The following DYNC1I1 variants were observed in gnomAD, a reference collection of about 807,000 sequenced individuals.
The protein encoded by DYNC1I1 is dynein cytoplasmic 1 intermediate chain 1.
DYNC1I1 carries 43 observed loss-of-function variants against 86.6 expected under a neutral mutation model. That is an observed-to-expected ratio of 0.50 (90% CI 0.39 to 0.64). The LOEUF (loss-of-function observed/expected upper bound fraction) is 0.64, where lower values mean the gene tolerates loss of function less well. Ranked by LOEUF, DYNC1I1 falls within the 30% of genes least tolerant of loss-of-function variation. The probability of loss-of-function intolerance (pLI) is 0.00; values close to 1 mark genes in which losing one functional copy is unlikely to be tolerated. For synonymous variants in DYNC1I1, 262 were observed against 283.7 expected (o/e 0.92, Z 0.77); for missense variants, 604 against 788.8 (o/e 0.77, Z 2.81).
chr7:95,889,759 A>C (rs550396381), intron 6 of DYNC1I1, among the ~76,000 whole-genome samples: 134 of 152,210 alleles, frequency 8.8e-4, no homozygotes, highest in African/African-American at 3.2e-3. Context: ...AACAACAACA[A>C]CACCCCATTA....
chr7:95,935,783 G>T (rs1792023880), intron 6 of DYNC1I1, among the ~76,000 whole-genome samples: 1 of 151,890 alleles, frequency 6.6e-6, no homozygotes, highest in African/African-American at 2.4e-5. Flanking sequence ...CCCTGATTAA[G>T]AAATGGACGA....
intron 10 of DYNC1I1, among the ~76,000 whole-genome samples, chr7:96,026,292 A>G (rs1043680234): frequency 3.3e-5 from 5 of 152,174 alleles, no homozygotes; most frequent in Admixed American, 2.0e-4. Flanking sequence ...CCCTCAGAGT[A>G]TCTGAGGCTG....
intron 16 of DYNC1I1, among the ~76,000 whole-genome samples, chr7:96,095,628 C>T (rs1399964374): frequency 6.6e-6 from 1 of 152,012 alleles, no homozygotes; most frequent in South Asian, 2.1e-4. Context: ...CATGATTAGG[C>T]TTTTGTCTCT....
intron 6 of DYNC1I1, among the ~76,000 whole-genome samples, chr7:95,970,156 C>T (rs900402193): frequency 4.6e-5 from 7 of 152,030 alleles, no homozygotes; most frequent in African/African-American, 1.4e-4. Flanking sequence ...GAGTTATGTG[C>T]GAGAGCCCTC....
chr7:95,804,404 G>C, intron 1 of DYNC1I1: 1 of 1,263,292 alleles, frequency 7.9e-7, no homozygotes, highest in Non-Finnish European at 1.0e-6. Context: ...ATTTATTTTT[G>C]TTTATTTGTT....
At chr7:96,039,564 C>A in intron 14 of DYNC1I1, 143 bp downstream of exon 14, 1 of 909,534 alleles carries the variant, frequency 1.1e-6, no homozygotes, top group Non-Finnish European at 1.7e-6. Context: ...GCTCAGTCTA[C>A]CTCAGAGCTA....
intron 9 of DYNC1I1, 47 bp from the exon 10 acceptor site, chr7:95,995,901 G>A (rs755893638): frequency 1.9e-6 from 3 of 1,544,640 alleles, no homozygotes; most frequent in Admixed American, 2.1e-5. Flanking sequence ...AGTTTTCCTT[G>A]TGTTGTCATC....
At chr7:95,963,816 T>A (rs1792935518) in intron 6 of DYNC1I1, among the ~76,000 whole-genome samples, 1 of 152,174 alleles carries the variant, frequency 6.6e-6, no homozygotes, top group Non-Finnish European at 1.5e-5. Context: ...GAAAGAACCA[T>A]GTCTGTCTAG....
At chr7:96,110,150 A>G (rs1056328811), downstream of DYNC1I1, 26 of 409,784 alleles carry the variant, frequency 6.3e-5, no homozygotes, top group Admixed American at 7.1e-4. Flanking sequence ...ATAATTGTGG[A>G]TATCTTTTAG....
intron 6 of DYNC1I1, among the ~76,000 whole-genome samples, chr7:95,917,773 G>C (rs994418112): frequency 6.6e-6 from 1 of 152,204 alleles, no homozygotes; most frequent in Admixed American, 6.5e-5. Flanking sequence ...CTGGGCACTC[G>C]CCGTCCTTCA....
intron 10 of DYNC1I1, among the ~76,000 whole-genome samples, chr7:96,005,361 C>T (rs1794115349): frequency 1.3e-5 from 2 of 152,198 alleles, no homozygotes; most frequent in Admixed American, 1.3e-4. Flanking sequence ...CCCTCCTAGA[C>T]ACTTTCTAAA....
intron 10 of DYNC1I1, among the ~76,000 whole-genome samples, chr7:96,010,897 T>G (rs1794259746): frequency 6.6e-6 from 1 of 152,212 alleles, no homozygotes; most frequent in Non-Finnish European, 1.5e-5. Flanking sequence ...TGAATGTATT[T>G]TAAAATAGTC....
chr7:95,923,145 C>A (rs1791655656), intron 6 of DYNC1I1, among the ~76,000 whole-genome samples: 1 of 152,076 alleles, frequency 6.6e-6, no homozygotes, highest in South Asian at 2.1e-4. Flanking sequence ...ACTACACGTA[C>A]AGTGACTTAA....
chr7:95,889,960 T>C (rs1350436280), intron 6 of DYNC1I1, among the ~76,000 whole-genome samples: 2 of 152,090 alleles, frequency 1.3e-5, no homozygotes, highest in African/African-American at 4.8e-5. Flanking sequence ...GCTGGCAAGG[T>C]TGCGGATAAA....
chr7:95,908,380 A>G (rs1165910931), intron 6 of DYNC1I1, among the ~76,000 whole-genome samples: 1 of 152,196 alleles, frequency 6.6e-6, no homozygotes, highest in East Asian at 1.9e-4. Context: ...TACCCTAAAT[A>G]TCAAAGATTT....
At chr7:95,948,268 C>T (rs894694448) in intron 6 of DYNC1I1, among the ~76,000 whole-genome samples, 16 of 152,058 alleles carry the variant, frequency 1.1e-4, no homozygotes, top group Non-Finnish European at 1.5e-4. Flanking sequence ...GGGCAGCACC[C>T]CAGACAAAGA....
chr7:96,070,752 C>A (rs527291350), intron 14 of DYNC1I1, among the ~76,000 whole-genome samples: 1 of 152,264 alleles, frequency 6.6e-6, no homozygotes, highest in South Asian at 2.1e-4. Context: ...TCTTCCTATT[C>A]ACCAAAACAC....
chr7:95,882,599 A>G (rs1286059897), intron 6 of DYNC1I1, among the ~76,000 whole-genome samples: 1 of 152,184 alleles, frequency 6.6e-6, no homozygotes, highest in Non-Finnish European at 1.5e-5. Context: ...GCAGTAACAC[A>G]TCTTCCAGTA....
intron 2 of DYNC1I1, among the ~76,000 whole-genome samples, chr7:95,808,873 T>C (rs566320264): frequency 1.1e-4 from 16 of 152,192 alleles, no homozygotes; most frequent in Non-Finnish European, 2.4e-4. Flanking sequence ...AGTAGGATTC[T>C]GTAGTAGATA....
Sources: gnomAD v4.1 joint callset for allele counts (sites outside exome capture counted in the v4.1 genomes callset) on GRCh38, gnomAD v4.1.1 for gene constraint, MANE v1.5 for transcripts, NCBI Gene and HGNC (gene_info 2026-07-23, HGNC 2026-07-21) for gene names.